CSMD3: variants seen among roughly 807,000 people sequenced by gnomAD.
CSMD3 encodes CUB and sushi domain-containing protein 3.
A neutral mutation model predicts 435.2 loss-of-function variants in CSMD3; 177 were observed. That is an observed-to-expected ratio of 0.41 (90% CI 0.36 to 0.46). CSMD3 has a LOEUF of 0.46. CSMD3 is among the 20% of genes least tolerant of loss of function. The probability of loss-of-function intolerance (pLI) is 0.34; values close to 1 mark genes in which losing one functional copy is unlikely to be tolerated. For synonymous variants in CSMD3, 1,656 were observed against 1,520.5 expected, an observed-to-expected ratio of 1.09 and a Z score of -2.07; for missense variants, 4,265 against 4,504.6, an observed-to-expected ratio of 0.95 and a Z score of 1.52.
At chr8:113,411,833 G>A (rs1434662362) in intron 1 of CSMD3, among the ~76,000 whole-genome samples, 1 of 152,046 alleles carries the variant, frequency 6.6e-6, no homozygotes, top group Non-Finnish European at 1.5e-5. Context: ...GCACATCATG[G>A]TAGTTTCATG....
At chr8:113,113,458 T>C (rs1373729411) in intron 4 of CSMD3, among the ~76,000 whole-genome samples, 2 of 152,094 alleles carry the variant, frequency 1.3e-5, no homozygotes, top group Non-Finnish European at 2.9e-5. Flanking sequence ...AGATAGAAAA[T>C]AGCTATGTGT....
At chr8:112,899,452 T>C (rs1048397601) in intron 10 of CSMD3, among the ~76,000 whole-genome samples, 1 of 148,620 alleles carries the variant, frequency 6.7e-6, no homozygotes, top group Non-Finnish European at 1.5e-5. Context: ...TTATTTTCAT[T>C]CTAAGCATTT....
At chr8:112,647,085 T>C (rs1422766008) in intron 19 of CSMD3, among the ~76,000 whole-genome samples, 4 of 151,656 alleles carry the variant, frequency 2.6e-5, no homozygotes, top group Admixed American at 2.6e-4. Context: ...TAGAAATAAC[T>C]CAAACAGTCT....
At chr8:112,591,366 G>T (rs996223490) in intron 22 of CSMD3, among the ~76,000 whole-genome samples, 1 of 152,074 alleles carries the variant, frequency 6.6e-6, no homozygotes, top group African/African-American at 2.4e-5. Flanking sequence ...ATTCACTAGA[G>T]CAGGGATACC....
chr8:112,882,944 C>T (rs2130228055), intron 10 of CSMD3, among the ~76,000 whole-genome samples: 1 of 151,992 alleles, frequency 6.6e-6, no homozygotes, highest in South Asian at 2.1e-4. Flanking sequence ...AGAAAAAATA[C>T]ACAAAAGCTC....
chr8:113,255,362 A>C (rs1160057586), intron 3 of CSMD3, among the ~76,000 whole-genome samples: 2 of 152,138 alleles, frequency 1.3e-5, no homozygotes, highest in African/African-American at 4.8e-5. Flanking sequence ...AAATTATAAA[A>C]TGAAAACTTT....
In CSMD3 at chr8:112,503,389, T is replaced by C. The variant is rs968293146; in HGVS notation, c.5083+401A>G. Reference sequence around the variant, plus strand: ...TGACTGATGGCACCCAGCTTACATATTTTCTGAAATACAGTTATCGTCTAC... The same window carrying C: ...TGACTGATGGCACCCAGCTTACATACTTTCTGAAATACAGTTATCGTCTAC... On this transcript the variant is annotated intron_variant, in intron 30 of 70. Coordinates refer to ENST00000297405, the MANE Select transcript of CSMD3 (RefSeq NM_198123.2). 2.0e-5 allele frequency among the ~76,000 whole-genome samples: 3 copies of C among 152,234 alleles called. No homozygotes were observed. In the East Asian group the frequency reaches 5.8e-4, roughly 29 times the overall value.
chr8:112,667,135 A>C (rs2075545267), intron 16 of CSMD3, among the ~76,000 whole-genome samples: 1 of 152,166 alleles, frequency 6.6e-6, no homozygotes, highest in Admixed American at 6.6e-5. Flanking sequence ...TAGGTCATTT[A>C]GTGTAAACGC....
At chr8:112,518,694 GA>G (rs1823960378) in intron 27 of CSMD3, among the ~76,000 whole-genome samples, 1 of 150,884 alleles carries the variant, frequency 6.6e-6, no homozygotes. Flanking sequence ...ATTTGCTCTG[GA>G]ATGGTTTCTA....
At chr8:112,685,150 G>C (rs1162146262) in intron 15 of CSMD3, among the ~76,000 whole-genome samples, 3 of 151,866 alleles carry the variant, frequency 2.0e-5, no homozygotes, top group Non-Finnish European at 1.5e-5. Context: ...TAAATATATT[G>C]GCTTACATAA....
intron 3 of CSMD3, among the ~76,000 whole-genome samples, chr8:113,246,596 T>A (rs961213395): frequency 6.6e-6 from 1 of 152,190 alleles, no homozygotes; most frequent in African/African-American, 2.4e-5. Flanking sequence ...TTCTATTAAC[T>A]ACTTTTTTCC....
chr8:113,255,699 A>G (rs963690814), intron 3 of CSMD3, among the ~76,000 whole-genome samples: 1 of 152,016 alleles, frequency 6.6e-6, no homozygotes, highest in Non-Finnish European at 1.5e-5. Context: ...AACATATTAC[A>G]CATCCATAAA....
intron 6 of CSMD3, among the ~76,000 whole-genome samples, chr8:113,014,136 A>G (rs1456352111): frequency 6.6e-6 from 1 of 152,082 alleles, no homozygotes. Flanking sequence ...GGAGCCAACA[A>G]TTGTGGCCAT....
intron 7 of CSMD3, among the ~76,000 whole-genome samples, chr8:112,972,972 A>G (rs1252778859): frequency 6.6e-6 from 1 of 152,006 alleles, no homozygotes; most frequent in Non-Finnish European, 1.5e-5. Flanking sequence ...AAAAGGAACA[A>G]GGATTAGCTT....
At chr8:112,297,606 C>T (rs1291957524) in intron 53 of CSMD3, among the ~76,000 whole-genome samples, 2 of 151,910 alleles carry the variant, frequency 1.3e-5, no homozygotes, top group African/African-American at 4.8e-5. Context: ...TTAAAAAAAC[C>T]TCCAGTGCAA....
intron 12 of CSMD3, among the ~76,000 whole-genome samples, chr8:112,826,977 G>A (rs1461394949): frequency 6.6e-6 from 1 of 151,348 alleles, no homozygotes; most frequent in Admixed American, 6.6e-5. Flanking sequence ...ATTGTCTTCC[G>A]AATTTTTCTA....
chr8:112,628,562 T>G (rs2131547339), intron 22 of CSMD3, among the ~76,000 whole-genome samples: 1 of 152,300 alleles, frequency 6.6e-6, no homozygotes, highest in Admixed American at 6.5e-5. Flanking sequence ...TCTATTTTCC[T>G]CTGGAGCACA....
At chr8:112,442,985 T>G (rs1343769892) in intron 32 of CSMD3, among the ~76,000 whole-genome samples, 11 of 152,188 alleles carry the variant, frequency 7.2e-5, no homozygotes, top group Admixed American at 1.3e-4. Flanking sequence ...CCACTGTTTT[T>G]GGGGGTCTCT....
chr8:112,730,374 T>C (rs2077049854), intron 13 of CSMD3, among the ~76,000 whole-genome samples: 1 of 152,054 alleles, frequency 6.6e-6, no homozygotes, highest in South Asian at 2.1e-4. Context: ...ATGATAAAGA[T>C]TGTCATTATT....
Sources: allele counts gnomAD v4.1 joint callset (sites outside exome capture counted in the v4.1 genomes callset), GRCh38; gene constraint gnomAD v4.1.1; transcripts MANE v1.5; gene names NCBI Gene and HGNC (gene_info 2026-07-23, HGNC 2026-07-21).